Variants in MAP3K15 observed in about 807,000 individuals in gnomAD.
MAP3K15 encodes the protein MAPK/ERK kinase kinase 15.
A neutral mutation model predicts 99.5 loss-of-function variants in MAP3K15; 124 were observed. That is an observed-to-expected ratio of 1.25 (90% confidence interval 1.08 to 1.45). MAP3K15 has a LOEUF of 1.45. MAP3K15 is among the 40% of genes most tolerant of loss of function. The probability of loss-of-function intolerance (pLI) is 0.00; values close to 1 mark genes in which losing one functional copy is unlikely to be tolerated. For synonymous variants in MAP3K15, 494 were observed against 439.6 expected, an observed-to-expected ratio of 1.12 and a Z score of -1.55; for missense variants, 1,242 against 1,079.7, an observed-to-expected ratio of 1.15 and a Z score of -2.11.
At chrX:19,502,762 C>T (rs991082221) in intron 1 of MAP3K15, among the ~76,000 whole-genome samples, 4 of 112,016 alleles carry the variant, frequency 3.6e-5, no homozygotes, top group African/African-American at 1.3e-4. Flanking sequence ...GTGGAGGTTG[C>T]GGCGAGCCAA....
chrX:19,392,781 T>A (rs1229369669), intron 16 of MAP3K15, among the ~76,000 whole-genome samples: 1 of 111,345 alleles, frequency 9.0e-6, no homozygotes, highest in Non-Finnish European at 1.9e-5. Flanking sequence ...GAGAGCGAAA[T>A]AATGCTCTCT....
At chrX:19,384,237 G>C (rs2063479211) in intron 18 of MAP3K15, among the ~76,000 whole-genome samples, 1 of 111,230 alleles carries the variant, frequency 9.0e-6, no homozygotes, top group Non-Finnish European at 1.9e-5. Flanking sequence ...GTCAGGCATA[G>C]AAAGAGAAAC....
intron 11 of MAP3K15, among the ~76,000 whole-genome samples, chrX:19,411,311 G>A (rs1324817818): frequency 8.9e-6 from 1 of 112,465 alleles, no homozygotes; most frequent in Non-Finnish European, 1.9e-5. Flanking sequence ...GCCATGAATA[G>A]GCACATGACT....
intron 9 of MAP3K15, among the ~76,000 whole-genome samples, chrX:19,420,460 A>G (rs1825433867): frequency 9.0e-6 from 1 of 111,629 alleles, no homozygotes; most frequent in Non-Finnish European, 1.9e-5. Context: ...ATTCCTCGAC[A>G]CATACACCCT....
At chrX:19,366,006 CAA>C (rs1172350617) in intron 25 of MAP3K15, among the ~76,000 whole-genome samples, 4 of 20,116 alleles carry the variant, frequency 2.0e-4, no homozygotes, top group Non-Finnish European at 5.5e-4. Context: ...GCCTCCATCT[CAA>C]AAAAAAAAAA....
intron 6 of MAP3K15, among the ~76,000 whole-genome samples, chrX:19,451,449 A>T (rs188894997): frequency 0.042 from 3,610 of 85,835 alleles, 160 homozygotes; most frequent in African/African-American, 0.2. Context: ...TATATATATA[A>T]AAAAAAAAAC....
At chrX:19,508,154 C>T (rs779737096) in intron 1 of MAP3K15, among the ~76,000 whole-genome samples, 18 of 111,121 alleles carry the variant, frequency 1.6e-4, no homozygotes, top group African/African-American at 5.2e-4. Context: ...AGGCATGAGC[C>T]GCCACGCCCA....
chrX:19,501,059 G>A (rs1258365121), intron 1 of MAP3K15, among the ~76,000 whole-genome samples: 2 of 111,509 alleles, frequency 1.8e-5, no homozygotes, highest in Middle Eastern at 4.6e-3. Context: ...GCATGGAAAC[G>A]AAGGAAGCTC....
chrX:19,451,160 C>T (rs1252765298), intron 6 of MAP3K15, among the ~76,000 whole-genome samples: 1 of 106,206 alleles, frequency 9.4e-6, no homozygotes, highest in South Asian at 4.3e-4. Flanking sequence ...TGGTGGGTGC[C>T]GGTAATCCCA....
At chrX:19,400,245 C>T (rs143589628) in intron 14 of MAP3K15, among the ~76,000 whole-genome samples, 203 of 112,211 alleles carry the variant, frequency 1.8e-3, no homozygotes, top group African/African-American at 6.4e-3. Context: ...AAGCATAAAA[C>T]GTCTGCTCTC....
intron 19 of MAP3K15, among the ~76,000 whole-genome samples, chrX:19,375,501 G>C (rs2063410450): frequency 8.9e-6 from 1 of 112,248 alleles, no homozygotes; most frequent in South Asian, 3.7e-4. Flanking sequence ...ACACGGACAT[G>C]CTTCCGTGAC....
intron 1 of MAP3K15, among the ~76,000 whole-genome samples, chrX:19,511,885 A>G (rs948464269): frequency 2.7e-5 from 3 of 112,384 alleles, no homozygotes; most frequent in African/African-American, 9.7e-5. Context: ...TTACTGCAGC[A>G]CTATTTACAA....
Position 19,372,744 on chromosome X carries a change from C to A in MAP3K15, c.3017G>T (p.Arg1006Leu). The change falls in exon 22 of 29, where the codon CGC becomes CTC. Residue 1006 changes from arginine to leucine, a missense_variant. Physicochemically the swap from Arg to Leu is moderately radical, Grantham distance 102. Transcript: ENST00000338883. ...EDRDQGLFLL[R>L]KDSERRAILY... ...GATGGCACGGCGCTCACTGTCCTTG[C>A]GTAGCAGGAAGAGGCCCTGGTCCCT... is the stretch of plus-strand genomic sequence containing the variant. The A allele has an allele frequency of 8.3e-7, 1 of 1,211,125 alleles. No homozygotes were observed. Among genetic ancestry groups the A allele is most frequent in the Non-Finnish European group, 1.1e-6 (1 of 894,761 alleles).
chrX:19,373,266 A>G (rs1285373072), intron 21 of MAP3K15: 1 of 267,016 alleles, frequency 3.7e-6, no homozygotes, highest in African/African-American at 4.3e-5. Context: ...AGAGAGGGGA[A>G]GTGTCGAAGG....
At chrX:19,408,358 T>G (rs749399863) in intron 12 of MAP3K15, among the ~76,000 whole-genome samples, 56 of 112,134 alleles carry the variant, frequency 5.0e-4, no homozygotes, top group Non-Finnish European at 2.1e-4. Context: ...AGTAACACAT[T>G]TTTGAAAATC....
Position 19,360,656 on chromosome X carries a change from G to A in MAP3K15, c.*93C>T. On this transcript the variant is annotated 3_prime_UTR_variant, in exon 29 of 29. Transcript: ENST00000338883. ...ATTGAACAATGGCATTTTTAAATAT[G>A]TAAACACAGCGGAATTCGTGTATAC... The A allele has an allele frequency of 1.5e-6, 1 of 665,947 alleles. No homozygotes were observed. Among genetic ancestry groups the A allele is most frequent in the South Asian group, 2.5e-5 (1 of 40,752 alleles). 54.9% of individuals were successfully genotyped at this position (665,947 alleles called of 1,213,427 possible). A position where few individuals can be genotyped will look rare whatever the true frequency, so the allele number is the denominator to read the frequency against.
At chrX:19,420,213 A>G (rs1417937831) in intron 9 of MAP3K15, among the ~76,000 whole-genome samples, 6 of 111,785 alleles carry the variant, frequency 5.4e-5, no homozygotes, top group Non-Finnish European at 1.1e-4. Flanking sequence ...GGAAATAGAG[A>G]CACAAAAAAC....
chrX:19,515,153 G>T lies in MAP3K15; in HGVS notation c.109C>A (p.Pro37Thr). 3.8e-6 allele frequency: 3 copies of T among 799,573 alleles called. No individual in the cohort carries two copies. The highest frequency in any genetic ancestry group is 4.5e-6 in the Non-Finnish European group (3 of 661,756). 65.9% of individuals were successfully genotyped at this position (799,573 alleles called of 1,213,427 possible). The part of the protein sequence containing the change: ...GVEGAAGPAE[P>T]DGAAEGAAGG... ...GCCGCGCCCTCCGCCGCCCCGTCGG[G>T]CTCCGCCGGCCCGGCCGCGCCCTCC... The change falls in exon 1 of 29, where the codon CCC (proline) becomes ACC (threonine). Residue 37 changes from proline to threonine, a missense_variant. Pro to Thr is a conservative substitution (Grantham distance 38, BLOSUM62 -1). Coordinates refer to ENST00000338883, the MANE Select transcript of MAP3K15 (RefSeq NM_001001671.4).
intron 20 of MAP3K15, 141 bp downstream of exon 20, chrX:19,374,336 T>C (rs899818363): frequency 1.7e-5 from 9 of 529,845 alleles, no homozygotes; most frequent in Non-Finnish European, 2.8e-5. Context: ...ACAGGCCCCG[T>C]CACTCTTCAC....
Sources: allele counts gnomAD v4.1 joint callset (sites outside exome capture counted in the v4.1 genomes callset), GRCh38; gene constraint gnomAD v4.1.1; transcripts MANE v1.5; gene names NCBI Gene and HGNC (gene_info 2026-07-23, HGNC 2026-07-21).